LPIN1: variants seen among roughly 807,000 people sequenced by gnomAD.
LPIN1 encodes the protein lipin 1, also known as phosphatidate phosphatase LPIN1.
LPIN1 carries 71 observed loss-of-function variants against 107.5 expected under a neutral mutation model. The observed-to-expected ratio is 0.66, with a 90% CI of 0.55 to 0.80. The LOEUF is 0.80. Among genes scored for constraint, LPIN1 ranks in the 30% least tolerant of loss-of-function variants. LPIN1 has a pLI of 0.00. For missense variants in LPIN1, 1,043 were observed against 1,160.6 expected (o/e 0.90, Z 1.47); for synonymous variants, 445 against 452.6 (o/e 0.98, Z 0.21).
At chr2:11,776,039 C>T (rs1169230400) in intron 5 of LPIN1, 47 bp from the exon 6 acceptor site, 2 of 1,024,454 alleles carry the variant, frequency 2.0e-6, no homozygotes, top group South Asian at 1.5e-5. Flanking sequence ...TGTAATTGAC[C>T]TCTGATTTTG....
chr2:11,695,985 C>G (rs946527130), intron 1 of LPIN1, among the ~76,000 whole-genome samples: 2 of 151,676 alleles, frequency 1.3e-5, no homozygotes, highest in African/African-American at 4.9e-5. Context: ...GGCCCTTTCC[C>G]ACTGCTGTGA....
rs902046129 is a variant in LPIN1 at position 11,697,758 on chromosome 2, G to C, written c.82-15998G>C. Reference sequence around the variant, plus strand: ...GGTGTGTGAGTGCTGGCAGAGTCTGGGTACCAAATGCCCCGGGCCTTGTGT... The same window carrying C: ...GGTGTGTGAGTGCTGGCAGAGTCTGCGTACCAAATGCCCCGGGCCTTGTGT... On this transcript the variant is annotated intron_variant, in intron 1 of 21. Transcript: ENST00000449576. This position sits in a 1 kb window ranked among gnomAD's most constrained non-coding sequence, Gnocchi z 4.6. 2.6e-5 allele frequency among the ~76,000 whole-genome samples: 4 copies of C among 152,062 alleles called. No homozygotes were observed. The highest frequency in any genetic ancestry group is 9.7e-5 in the African/African-American group (4 of 41,368).
Position 11,804,618 on chromosome 2 carries a change from C to T in LPIN1, c.2162+47C>T, listed in dbSNP as rs538241822. 3.2e-5 allele frequency: 51 copies of T among 1,594,136 alleles called. No individual in the cohort carries two copies. In the East Asian group the frequency reaches 4.9e-4, roughly 15 times the overall value. ...CCCATGGTAGATTTCTTTGCTTCAC[C>T]GTGGGGGTCTCTGGGCCTGGTGTTG... On this transcript the variant is annotated intron_variant, in intron 16 of 20. Transcript: ENST00000674199.
rs1367218680 is a variant in LPIN1, at chr2:11,825,287, C to G, written c.*496C>G. 3 of 175,216 alleles carry G rather than the reference C, an allele frequency of 1.7e-5. No individual in the cohort carries two copies. Among genetic ancestry groups the G allele is most frequent in the Admixed American group, 1.7e-4 (3 of 17,776 alleles). The allele number at this position is 175,216 out of a possible 1,614,324, so 10.9% of individuals were successfully genotyped here. ...CACAGTGGGGAGGGCTGTGAAGGCT[C>G]ATGTGACCTGGATCTGAGGTCTCTG... On this transcript the variant is annotated 3_prime_UTR_variant, in exon 21 of 21. Coordinates refer to ENST00000674199, the MANE Select transcript of LPIN1 (RefSeq NM_001349206.2). The surrounding 1 kb of genome is among the most constrained non-coding windows in gnomAD (Gnocchi z 4.1).
chr2:11,686,313 A>T (rs1437149756), intron 1 of LPIN1, among the ~76,000 whole-genome samples: 3 of 152,122 alleles, frequency 2.0e-5, no homozygotes, highest in African/African-American at 7.2e-5. Context: ...CCTTTGAGAA[A>T]GCCCTGCCCA....
At chr2:11,730,410 T>C (rs772024649) in intron 1 of LPIN1, among the ~76,000 whole-genome samples, 1 of 152,228 alleles carries the variant, frequency 6.6e-6, no homozygotes, top group African/African-American at 2.4e-5. Flanking sequence ...ATCTGTTACA[T>C]TGTATACCTT....
At chr2:11,686,359 G>C (rs1441825020) in intron 1 of LPIN1, among the ~76,000 whole-genome samples, 3 of 152,224 alleles carry the variant, frequency 2.0e-5, no homozygotes, top group African/African-American at 7.2e-5. Flanking sequence ...GGGGGAACCA[G>C]AAAGTGGGTG....
intron 1 of LPIN1, among the ~76,000 whole-genome samples, chr2:11,678,753 A>G (rs768145079): frequency 6.6e-6 from 1 of 152,164 alleles, no homozygotes; most frequent in Non-Finnish European, 1.5e-5. Flanking sequence ...GGAGGCGTGG[A>G]TCCTGCTCCC....
At chr2:11,736,530 G>C (rs1422309907) in intron 1 of LPIN1, among the ~76,000 whole-genome samples, 1 of 152,226 alleles carries the variant, frequency 6.6e-6, no homozygotes, top group African/African-American at 2.4e-5. Context: ...CATCATACCA[G>C]CACAGTGGGG....
chr2:11,747,759 T>C (rs1212098066), intron 1 of LPIN1, among the ~76,000 whole-genome samples: 1 of 152,262 alleles, frequency 6.6e-6, no homozygotes, highest in African/African-American at 2.4e-5. Flanking sequence ...CAGATTCTTG[T>C]TGAAAGGTGT....
At chr2:11,709,129 A>C (rs1663277173) in intron 1 of LPIN1, among the ~76,000 whole-genome samples, 1 of 152,188 alleles carries the variant, frequency 6.6e-6, no homozygotes, top group African/African-American at 2.4e-5. Flanking sequence ...GAACTGTCCC[A>C]GGAGGAGTCC....
In LPIN1 at chr2:11,707,800, G is replaced by T. The variant is rs1049601452; in HGVS notation, c.82-5956G>T. Among the ~76,000 whole-genome samples, 9 of 152,140 alleles carry T rather than the reference G, an allele frequency of 5.9e-5. No homozygotes were observed. The highest frequency in any genetic ancestry group is 2.6e-4 in the Admixed American group (4 of 15,284). ...GAGCACCACAGGTGCTCACCTGCCTGCTGGGATGGACCTTACCATTGAGCC... is the reference window on the plus strand; with the variant it reads ...GAGCACCACAGGTGCTCACCTGCCTTCTGGGATGGACCTTACCATTGAGCC... On this transcript the variant is annotated intron_variant, in intron 1 of 21. Transcript: ENST00000449576. This position sits in a 1 kb window ranked among gnomAD's most constrained non-coding sequence, Gnocchi z 4.2.
chr2:11,769,956 G>C (rs1214200360), intron 3 of LPIN1, among the ~76,000 whole-genome samples: 2 of 152,220 alleles, frequency 1.3e-5, no homozygotes, highest in East Asian at 3.8e-4. Flanking sequence ...GCCCAGAATG[G>C]TGGTGCCTGG....
chr2:11,788,759 A>G (rs910216101), intron 12 of LPIN1, among the ~76,000 whole-genome samples: 1 of 152,228 alleles, frequency 6.6e-6, no homozygotes, highest in African/African-American at 2.4e-5. Flanking sequence ...CCAGGACCTC[A>G]GAGCCCAGTG....
chr2:11,756,118 G>A (rs771536242), intron 1 of LPIN1, among the ~76,000 whole-genome samples: 4 of 152,152 alleles, frequency 2.6e-5, no homozygotes, highest in Admixed American at 6.5e-5. Context: ...AGACAGTTTT[G>A]CATTTGCATT....
upstream of LPIN1, among the ~76,000 whole-genome samples, chr2:11,720,876 G>T (rs551934582): frequency 6.6e-5 from 10 of 152,006 alleles, no homozygotes; most frequent in African/African-American, 2.4e-4. Context: ...TACGGTGTCA[G>T]GTTAGGCATA....
chr2:11,777,237 C>T (rs1672807469), intron 6 of LPIN1: 2 of 152,254 alleles, frequency 1.3e-5, no homozygotes, highest in South Asian at 4.2e-4. Flanking sequence ...CCCTCAGTGA[C>T]GGTCGGCAGA....
At position 11,767,928 on chromosome 2, in the gene LPIN1, G is replaced by A. The variant is rs1671192553; in HGVS notation, c.288+70G>A. 2.5e-5 allele frequency: 25 copies of A among 1,008,818 alleles called. No homozygotes were observed. In the East Asian group the frequency reaches 2.6e-4, roughly 11 times the overall value. The allele number at this position is 1,008,818 out of a possible 1,614,324, so 62.5% of individuals were successfully genotyped here. A position where few individuals can be genotyped will look rare whatever the true frequency, so the allele number is the denominator to read the frequency against. On this transcript the variant is annotated intron_variant, in intron 3 of 20. Coordinates refer to ENST00000674199, the MANE Select transcript of LPIN1 (RefSeq NM_001349206.2). ...TTGAGTAATGGTTATCTGGAAACAC[G>A]GCAGAAGTTTGTGCAAAGTAATACC...
At chr2:11,808,258 C>G (rs911755177) in intron 17 of LPIN1, among the ~76,000 whole-genome samples, 1 of 152,164 alleles carries the variant, frequency 6.6e-6, no homozygotes, top group Non-Finnish European at 1.5e-5. Flanking sequence ...ATGGCAGCCT[C>G]CAGAGCCAAC....
Sources: gnomAD v4.1 joint callset for allele counts (sites outside exome capture counted in the v4.1 genomes callset) on GRCh38, gnomAD v4.1.1 for gene constraint, Gnocchi (gnomAD v3.1) non-coding constraint, MANE v1.5 for transcripts, NCBI Gene and HGNC (gene_info 2026-07-23, HGNC 2026-07-21) for gene names.